PRKAR1B: variants seen among roughly 807,000 people sequenced by gnomAD.
PRKAR1B encodes the protein protein kinase cAMP-dependent type I regulatory subunit beta.
In PRKAR1B, 22 loss-of-function variants were observed where a neutral mutation model predicts 46.5. That is an observed-to-expected ratio of 0.47 (90% CI 0.34 to 0.68). The LOEUF (loss-of-function observed/expected upper bound fraction) is 0.68, where lower values mean the gene tolerates loss of function less well. Among genes scored for constraint, PRKAR1B ranks in the 30% least tolerant of loss-of-function variants. PRKAR1B has a pLI of 0.01. For missense variants in PRKAR1B, 445 were observed against 535.6 expected (o/e 0.83, Z 1.67); for synonymous variants, 259 against 217.7 (o/e 1.19, Z -1.67).
At chr7:640,729 C>T (rs1435534925) in intron 4 of PRKAR1B, among the ~76,000 whole-genome samples, 1 of 151,464 alleles carries the variant, frequency 6.6e-6, no homozygotes, top group Non-Finnish European at 1.5e-5. Flanking sequence ...CACCATTGCA[C>T]TCCAGCCTGG....
intron 2 of PRKAR1B, among the ~76,000 whole-genome samples, chr7:701,123 G>A (rs1289431928): frequency 6.6e-6 from 1 of 151,846 alleles, no homozygotes; most frequent in Non-Finnish European, 1.5e-5. Context: ...AGGAGGCAGA[G>A]GTTACAGTAA....
intron 4 of PRKAR1B, among the ~76,000 whole-genome samples, chr7:662,340 C>A (rs1583379650): frequency 1.5e-5 from 2 of 132,280 alleles, no homozygotes; most frequent in African/African-American, 2.9e-5. Flanking sequence ...CCTACTCTCC[C>A]CCCCATGGCA....
intron 4 of PRKAR1B, among the ~76,000 whole-genome samples, chr7:635,026 G>A (rs1017186245): frequency 2.0e-5 from 3 of 152,220 alleles, no homozygotes; most frequent in African/African-American, 4.8e-5. Flanking sequence ...TGAAGCAAAT[G>A]CAGCACAAAT....
At chr7:635,342 T>C (rs1322729854) in intron 4 of PRKAR1B, among the ~76,000 whole-genome samples, 1 of 152,194 alleles carries the variant, frequency 6.6e-6, no homozygotes, top group East Asian at 1.9e-4. Context: ...GGGCCAGATG[T>C]CATGTTCGCG....
At chr7:685,281 TA>T (rs1778966032) in intron 2 of PRKAR1B, among the ~76,000 whole-genome samples, 1 of 16,274 alleles carries the variant, frequency 6.1e-5, no homozygotes, top group African/African-American at 2.1e-4. Context: ...TATATATACG[TA>T]TATATATGTA....
At chr7:572,976 C>T (rs994378078) in intron 9 of PRKAR1B, among the ~76,000 whole-genome samples, 4 of 152,196 alleles carry the variant, frequency 2.6e-5, no homozygotes, top group Non-Finnish European at 2.9e-5. Context: ...ACGGCGGCCA[C>T]GAGGGCAGCC....
At chr7:642,930 C>T (rs1784464328) in intron 4 of PRKAR1B, among the ~76,000 whole-genome samples, 1 of 151,230 alleles carries the variant, frequency 6.6e-6, no homozygotes, top group Admixed American at 6.6e-5. Context: ...TTGTCTTGAG[C>T]AGTGATTTTG....
intron 9 of PRKAR1B, among the ~76,000 whole-genome samples, chr7:571,226 C>A (rs1779493308): frequency 6.6e-6 from 1 of 152,094 alleles, no homozygotes; most frequent in African/African-American, 2.4e-5. Flanking sequence ...AGCCAGGAGC[C>A]TCGCAGCGCA....
At chr7:707,306 C>T (rs148030259) in intron 2 of PRKAR1B, among the ~76,000 whole-genome samples, 53 of 152,308 alleles carry the variant, frequency 3.5e-4, no homozygotes, top group Middle Eastern at 6.8e-3. Flanking sequence ...TGCCCTGAGA[C>T]GCCACTCTTT....
At chr7:632,918 C>A (rs1447515462) in intron 4 of PRKAR1B, among the ~76,000 whole-genome samples, 1 of 152,236 alleles carries the variant, frequency 6.6e-6, no homozygotes, top group African/African-American at 2.4e-5. Context: ...CCACACAGTG[C>A]CTGTCCGGGA....
intron 1 of PRKAR1B, among the ~76,000 whole-genome samples, chr7:725,081 G>A (rs1045906351): frequency 7.9e-5 from 12 of 152,060 alleles, no homozygotes; most frequent in African/African-American, 1.9e-4. Flanking sequence ...GGGCGTGGTC[G>A]TGGGCACCTG....
At chr7:615,092 G>GGA (rs1321448295) in intron 4 of PRKAR1B, among the ~76,000 whole-genome samples, 3 of 150,622 alleles carry the variant, frequency 2.0e-5, no homozygotes, top group South Asian at 2.1e-4. Context: ...ACAGAAAGAA[G>GGA]GAGAGAGAGA....
intron 6 of PRKAR1B, among the ~76,000 whole-genome samples, chr7:604,626 G>A (rs1436726065): frequency 1.3e-5 from 2 of 152,210 alleles, no homozygotes; most frequent in African/African-American, 2.4e-5. Flanking sequence ...TATCAGCTCC[G>A]GAAGCAGAGT....
At chr7:604,489 G>A (rs111445604) in intron 6 of PRKAR1B, among the ~76,000 whole-genome samples, 18,607 of 152,266 alleles carry the variant, frequency 0.12, 1,636 homozygotes, top group African/African-American at 0.24. Flanking sequence ...GGCCCAGCCC[G>A]TGGGTTCCGG....
At chr7:705,309 AAAAAAAAAAAAGAAAAAAG>A (rs1389167022) in intron 2 of PRKAR1B, among the ~76,000 whole-genome samples, 17 of 149,442 alleles carry the variant, frequency 1.1e-4, no homozygotes, top group African/African-American at 4.2e-4. Flanking sequence ...TCTCAATTAA[AAAAAAAAAAAAGAAAAAAG>A]AAAAAAAAAA....
intron 7 of PRKAR1B, among the ~76,000 whole-genome samples, chr7:587,149 G>C (rs896097071): frequency 6.6e-6 from 1 of 152,206 alleles, no homozygotes; most frequent in African/African-American, 2.4e-5. Context: ...TGTCAGGAAA[G>C]AGAGATGGAC....
At chr7:680,904 A>G (rs1244882015) in intron 2 of PRKAR1B, among the ~76,000 whole-genome samples, 178 bp from the exon 3 acceptor site, 2 of 151,946 alleles carry the variant, frequency 1.3e-5, no homozygotes, top group African/African-American at 2.4e-5. Context: ...TTCTGTCCCC[A>G]CCCAAATTTC....
intron 6 of PRKAR1B, among the ~76,000 whole-genome samples, chr7:603,534 C>A (rs941356943): frequency 1.3e-5 from 2 of 152,166 alleles, no homozygotes; most frequent in African/African-American, 4.8e-5. Context: ...AAGTGCCAGG[C>A]ATAAAGCAGG....
At chr7:641,690 C>G (rs570054977) in intron 4 of PRKAR1B, among the ~76,000 whole-genome samples, 1 of 152,176 alleles carries the variant, frequency 6.6e-6, no homozygotes, top group African/African-American at 2.4e-5. Flanking sequence ...GGATGAACCT[C>G]AAAAAACACC....
Sources: allele counts gnomAD v4.1 joint callset (sites outside exome capture counted in the v4.1 genomes callset), GRCh38; gene constraint gnomAD v4.1.1; transcripts MANE v1.5; gene names NCBI Gene and HGNC (gene_info 2026-07-23, HGNC 2026-07-21).